Variants in GATAD2A observed in about 807,000 individuals in gnomAD.
GATAD2A encodes GATA zinc finger domain containing 2A.
GATAD2A carries 12 observed loss-of-function variants against 68.5 expected under a neutral mutation model. The observed-to-expected ratio is 0.18, with a 90% CI of 0.11 to 0.28. GATAD2A has a LOEUF of 0.28. GATAD2A is among the 10% of genes least tolerant of loss of function. The probability of loss-of-function intolerance (pLI) is 1.00; values close to 1 mark genes in which losing one functional copy is unlikely to be tolerated. For missense variants in GATAD2A, 755 were observed against 868.5 expected (o/e 0.87, Z 1.64); for synonymous variants, 410 against 375.3 (o/e 1.09, Z -1.07).
chr19:19,454,868 T>C (rs1277824170), intron 1 of GATAD2A, among the ~76,000 whole-genome samples: 1 of 152,110 alleles, frequency 6.6e-6, no homozygotes. Flanking sequence ...GTAACACAAA[T>C]GTTGCGATGG....
intron 1 of GATAD2A, 134 bp from the exon 2 acceptor site, chr19:19,465,206 T>C (rs902385436): frequency 1.4e-5 from 10 of 706,670 alleles, no homozygotes; most frequent in Admixed American, 2.3e-5. Context: ...TTCTGGGCCC[T>C]GCGTTTGTTG....
At chr19:19,444,551 G>A (rs529174627) in intron 1 of GATAD2A, among the ~76,000 whole-genome samples, 20 of 152,286 alleles carry the variant, frequency 1.3e-4, no homozygotes, top group Admixed American at 3.3e-4. Flanking sequence ...ACCTTGTGAC[G>A]TTGAGGCCTG....
In GATAD2A at chr19:19,409,249, A is replaced by G. The variant is rs373833151; in HGVS notation, c.-7+3230A>G. ...GTGTTTCTGTGCCATCAAATGGAAC[A>G]GGCAGGGCTATTTTCTCTAGACCTT... On this transcript the variant is annotated intron_variant, in intron 1 of 11. Transcript: ENST00000683918. 3.3e-5 allele frequency among the ~76,000 whole-genome samples: 5 copies of G among 152,256 alleles called. 1 individual carries two copies. The highest frequency in any genetic ancestry group is 1.2e-4 in the African/African-American group (5 of 41,550).
At chr19:19,494,406 A>C (rs779603653) in intron 5 of GATAD2A, 23 bp downstream of exon 5, 12 of 1,446,352 alleles carry the variant, frequency 8.3e-6, no homozygotes, top group Non-Finnish European at 1.1e-5. Flanking sequence ...TCTGCGTCTC[A>C]CTGGGTGCCC....
At chr19:19,402,125 C>G (rs982853213), upstream of GATAD2A, 2 of 152,140 alleles carry the variant, frequency 1.3e-5, no homozygotes, top group African/African-American at 4.8e-5. Flanking sequence ...GTGGCACAAT[C>G]ATGGTTCACT....
chr19:19,492,206 A>C (rs2059841479), intron 2 of GATAD2A, 100 bp from the exon 3 acceptor site: 1 of 1,225,162 alleles, frequency 8.2e-7, no homozygotes, highest in East Asian at 2.6e-5. Context: ...CAGACAGGGA[A>C]CAGACGGGGA....
At chr19:19,466,992 G>T (rs1299283372) in intron 2 of GATAD2A, among the ~76,000 whole-genome samples, 2 of 152,226 alleles carry the variant, frequency 1.3e-5, no homozygotes, top group African/African-American at 4.8e-5. Context: ...GTGCATTCCT[G>T]GGTTGCTGAC....
In GATAD2A at chr19:19,506,021, C is replaced by T. The variant is rs1047544216; in HGVS notation, c.*547C>T. 13 of 398,586 alleles carry T rather than the reference C, an allele frequency of 3.3e-5. No homozygotes were observed. The highest frequency in any genetic ancestry group is 6.2e-4 in the Middle Eastern group (1 of 1,610). The allele number at this position is 398,586 out of a possible 1,614,324, so 24.7% of individuals were successfully genotyped here. A position where few individuals can be genotyped will look rare whatever the true frequency, so the allele number is the denominator to read the frequency against. Reference sequence around the variant, plus strand: ...CATGATGATGGAGTTAAAAGTAAACCGTGCAGACCCTGGGGTCCCTGTTGT... The same window carrying T: ...CATGATGATGGAGTTAAAAGTAAACTGTGCAGACCCTGGGGTCCCTGTTGT... On this transcript the variant is annotated 3_prime_UTR_variant, in exon 12 of 12. Coordinates refer to ENST00000683918, the MANE Select transcript of GATAD2A (RefSeq NM_001384528.1).
intron 2 of GATAD2A, among the ~76,000 whole-genome samples, chr19:19,489,446 A>G (rs1043957527): frequency 2.0e-5 from 3 of 152,222 alleles, no homozygotes; most frequent in African/African-American, 7.2e-5. Context: ...CCTTTGTCAC[A>G]TGACTTTTTG....
At chr19:19,480,096 G>A (rs1281688152) in intron 2 of GATAD2A, among the ~76,000 whole-genome samples, 3 of 152,058 alleles carry the variant, frequency 2.0e-5, no homozygotes, top group East Asian at 1.9e-4. Context: ...GTGAGCCACC[G>A]TGCCTGGCGA....
chr19:19,413,463 G>A (rs1157720585), intron 1 of GATAD2A, among the ~76,000 whole-genome samples: 1 of 152,134 alleles, frequency 6.6e-6, no homozygotes, highest in Non-Finnish European at 1.5e-5. Context: ...GGTTTGCCGA[G>A]GGTTCATGCC....
At chr19:19,435,565 C>T (rs554612412) in intron 1 of GATAD2A, among the ~76,000 whole-genome samples, 1 of 152,208 alleles carries the variant, frequency 6.6e-6, no homozygotes, top group South Asian at 2.1e-4. Context: ...AATAAAAACC[C>T]TGGGCTGGGC....
At chr19:19,447,323 G>A (rs1663461640) in intron 1 of GATAD2A, among the ~76,000 whole-genome samples, 1 of 152,168 alleles carries the variant, frequency 6.6e-6, no homozygotes, top group African/African-American at 2.4e-5. Context: ...CTTGGGGGAC[G>A]GGCACAGGGG....
chr19:19,447,541 A>G (rs1432159486), intron 1 of GATAD2A, among the ~76,000 whole-genome samples: 1 of 152,176 alleles, frequency 6.6e-6, no homozygotes, highest in Non-Finnish European at 1.5e-5. Context: ...TTCCATTTGC[A>G]AGGTAGAGGG....
At position 19,492,545 on chromosome 19, in the gene GATAD2A, C is replaced by T. The variant is rs530184538; in HGVS notation, c.403-36C>T. The T allele has an allele frequency of 3.2e-5, 51 of 1,612,912 alleles. No individual in the cohort carries two copies. The East Asian group carries it at 4.0e-4, about 13-fold the overall frequency. Reference sequence around the variant, plus strand: ...CAGGGCCTCTGCTCCTCACCAAGGACGCTCCCTCTCAACCCTGTTCCTCTC... The same window carrying T: ...CAGGGCCTCTGCTCCTCACCAAGGATGCTCCCTCTCAACCCTGTTCCTCTC... On this transcript the variant is annotated intron_variant, in intron 3 of 11. Coordinates refer to ENST00000683918, the MANE Select transcript of GATAD2A (RefSeq NM_001384528.1).
At chr19:19,481,771 T>C (rs1201691354) in intron 2 of GATAD2A, among the ~76,000 whole-genome samples, 1 of 152,202 alleles carries the variant, frequency 6.6e-6, no homozygotes, top group Non-Finnish European at 1.5e-5. Context: ...CTACTGGCTG[T>C]CCAGGATCCT....
Position 19,505,549 on chromosome 19 carries a change from C to T in GATAD2A, c.*75C>T. 7.5e-7 allele frequency: 1 copy of T among 1,337,840 alleles called. No homozygotes were observed. The highest frequency in any genetic ancestry group is 1.0e-6 in the Non-Finnish European group (1 of 990,286). 82.9% of individuals were successfully genotyped at this position (1,337,840 alleles called of 1,614,324 possible). ...CCTGGTCTAGAAGGACCCACTGCAC[C>T]ACCCTCCGCTGGCTCGGGAAGACAC... On this transcript the variant is annotated 3_prime_UTR_variant, in exon 12 of 12. Coordinates refer to ENST00000683918, the MANE Select transcript of GATAD2A (RefSeq NM_001384528.1).
intron 1 of GATAD2A, among the ~76,000 whole-genome samples, chr19:19,430,694 G>T (rs561175252): frequency 1.8e-3 from 278 of 152,270 alleles, no homozygotes; most frequent in Middle Eastern, 0.014. Context: ...GCTGACAGCT[G>T]CAGAGACACC....
At position 19,436,079 on chromosome 19, in the gene GATAD2A, C is replaced by G. The variant is rs977818991; in HGVS notation, c.-6-29261C>G. The G allele has an allele frequency of 3.1e-6, 3 of 980,002 alleles. No individual in the cohort carries two copies. In the African/African-American group the frequency reaches 5.0e-5, roughly 16 times the overall value. 60.7% of individuals were successfully genotyped at this position (980,002 alleles called of 1,614,324 possible). A position where few individuals can be genotyped will look rare whatever the true frequency, so the allele number is the denominator to read the frequency against. On this transcript the variant is annotated intron_variant, in intron 1 of 11. Coordinates refer to ENST00000683918, the MANE Select transcript of GATAD2A (RefSeq NM_001384528.1). Reference sequence around the variant, plus strand: ...GACATTTTAGAAATGCCAGTATGTTCCAGAAACCTTGCTTGGAAACACAGT... The same window carrying G: ...GACATTTTAGAAATGCCAGTATGTTGCAGAAACCTTGCTTGGAAACACAGT...
Sources: gnomAD v4.1 joint callset for allele counts (sites outside exome capture counted in the v4.1 genomes callset) on GRCh38, gnomAD v4.1.1 for gene constraint, MANE v1.5 for transcripts, NCBI Gene and HGNC (gene_info 2026-07-23, HGNC 2026-07-21) for gene names.